Variants in DPP10 observed in about 807,000 individuals in gnomAD.
DPP10 encodes dipeptidyl peptidase like 10.
In DPP10, 33 loss-of-function variants were observed where a neutral mutation model predicts 120.9. That is an observed-to-expected ratio of 0.27 (90% confidence interval 0.21 to 0.37). The LOEUF (loss-of-function observed/expected upper bound fraction) is 0.37. DPP10 is among the 10% of genes least tolerant of loss of function. DPP10 has a pLI of 1.00. For missense variants in DPP10, 816 were observed against 942.8 expected (o/e 0.87, Z 1.76); for synonymous variants, 337 against 326.1 (o/e 1.03, Z -0.36).
intron 1 of DPP10, among the ~76,000 whole-genome samples, chr2:114,517,557 A>G (rs1437597092): frequency 6.6e-6 from 1 of 152,136 alleles, no homozygotes; most frequent in African/African-American, 2.4e-5. Flanking sequence ...CTTCATGGTA[A>G]GATAATCAGG....
chr2:115,280,276 G>T (rs1574277291), intron 1 of DPP10, among the ~76,000 whole-genome samples: 1 of 152,132 alleles, frequency 6.6e-6, no homozygotes, highest in East Asian at 1.9e-4. Context: ...TTTTAGGCAT[G>T]TAGGTAAAAA....
At chr2:115,468,986 A>G in intron 3 of DPP10, 1 of 231,940 alleles carries the variant, frequency 4.3e-6, no homozygotes, top group Non-Finnish European at 8.5e-6. Context: ...CCTGAGACGG[A>G]GTATCACCCT....
intron 1 of DPP10, among the ~76,000 whole-genome samples, chr2:115,185,530 T>A (rs2054374023): frequency 6.6e-6 from 1 of 152,204 alleles, no homozygotes; most frequent in Non-Finnish European, 1.5e-5. Flanking sequence ...TGATGAGTAC[T>A]TTCACAAGTA....
At chr2:114,965,325 C>T (rs1180606331) in intron 1 of DPP10, among the ~76,000 whole-genome samples, 11 of 151,802 alleles carry the variant, frequency 7.2e-5, no homozygotes, top group Non-Finnish European at 1.5e-4. Flanking sequence ...TTAGTAGGGA[C>T]GGGGTTTCAC....
rs1190663504 is a variant in DPP10, at chr2:115,835,847, G to T, written c.1951-310G>T. Among the ~76,000 whole-genome samples the T allele has an allele frequency of 2.0e-5, 3 of 152,018 alleles. No homozygotes were observed. The South Asian group carries it at 6.2e-4, about 31-fold the overall frequency. On this transcript the variant is annotated intron_variant, in intron 21 of 25. Coordinates refer to ENST00000410059, the MANE Select transcript of DPP10 (RefSeq NM_020868.6). ...AAATTATTTGGGGCAATTTCCAGATGTATAGTATGAAATCATGGAGCAATA... is the reference window on the plus strand; with the variant it reads ...AAATTATTTGGGGCAATTTCCAGATTTATAGTATGAAATCATGGAGCAATA...
intron 1 of DPP10, among the ~76,000 whole-genome samples, chr2:114,965,711 G>A (rs1213174097): frequency 2.6e-5 from 4 of 151,842 alleles, no homozygotes; most frequent in Admixed American, 6.6e-5. Context: ...GGGCGCGGTG[G>A]CTCACGCCTG....
chr2:115,130,638 G>C (rs2050307317), intron 1 of DPP10, among the ~76,000 whole-genome samples: 1 of 152,068 alleles, frequency 6.6e-6, no homozygotes, highest in South Asian at 2.1e-4. Flanking sequence ...CAGAGCTACT[G>C]ATTCCTTTCA....
chr2:115,741,002 A>G (rs886561647), intron 9 of DPP10, among the ~76,000 whole-genome samples: 1 of 152,080 alleles, frequency 6.6e-6, no homozygotes, highest in Non-Finnish European at 1.5e-5. Flanking sequence ...CATGCACTAC[A>G]TTAGTTAGAC....
At chr2:114,834,540 A>C (rs538304406) in intron 1 of DPP10, among the ~76,000 whole-genome samples, 1 of 151,176 alleles carries the variant, frequency 6.6e-6, no homozygotes, top group African/African-American at 2.4e-5. Flanking sequence ...GCACCTATGT[A>C]TATATAAGCC....
chr2:114,557,148 G>T (rs532205437), intron 1 of DPP10, among the ~76,000 whole-genome samples: 47 of 152,238 alleles, frequency 3.1e-4, no homozygotes, highest in Admixed American at 6.5e-4. Context: ...GAATGCTGTG[G>T]CTTCCTTTTT....
chr2:115,161,846 T>A, intron 1 of DPP10: 1 of 1,070,692 alleles, frequency 9.3e-7, no homozygotes, highest in Non-Finnish European at 1.2e-6. Flanking sequence ...CCCCGTCCCT[T>A]CCGCCGATTC....
chr2:115,715,033 A>G (rs1272525019), intron 7 of DPP10, among the ~76,000 whole-genome samples: 1 of 150,158 alleles, frequency 6.7e-6, no homozygotes, highest in Admixed American at 6.6e-5. Flanking sequence ...TGTCTCAAAA[A>G]AAAAAAAAAA....
chr2:114,499,788 T>C (rs141647164), intron 1 of DPP10, among the ~76,000 whole-genome samples: 3 of 152,360 alleles, frequency 2.0e-5, no homozygotes, highest in East Asian at 3.9e-4. Context: ...TCCACCTTTA[T>C]GGAATGAAAG....
intron 10 of DPP10, among the ~76,000 whole-genome samples, chr2:115,752,592 A>G (rs1678885778): frequency 6.6e-6 from 1 of 152,198 alleles, no homozygotes; most frequent in South Asian, 2.1e-4. Flanking sequence ...TCCTTGGTCT[A>G]CAACTGGCAA....
intron 2 of DPP10, among the ~76,000 whole-genome samples, chr2:115,337,486 T>C (rs2063208622): frequency 6.6e-6 from 1 of 151,896 alleles, no homozygotes; most frequent in African/African-American, 2.4e-5. Flanking sequence ...AGGTTCAAGT[T>C]TCAGCTCTGC....
At chr2:115,534,092 T>C (rs2078643957) in intron 5 of DPP10, among the ~76,000 whole-genome samples, 1 of 139,798 alleles carries the variant, frequency 7.2e-6, no homozygotes, top group African/African-American at 3.1e-5. Context: ...CACACTTTTA[T>C]TTATTTTTTT....
chr2:115,603,686 T>G (rs990433907), intron 5 of DPP10, among the ~76,000 whole-genome samples: 6 of 151,584 alleles, frequency 4.0e-5, no homozygotes, highest in African/African-American at 9.7e-5. Context: ...AAGCAAACCT[T>G]TGTTCAAAAT....
At chr2:115,227,217 A>C (rs1393636787) in intron 1 of DPP10, among the ~76,000 whole-genome samples, 2 of 152,150 alleles carry the variant, frequency 1.3e-5, no homozygotes, top group Admixed American at 1.3e-4. Context: ...ACATAAAATG[A>C]AATGTTCTGA....
intron 1 of DPP10, among the ~76,000 whole-genome samples, chr2:114,613,509 T>A (rs903434669): frequency 6.6e-6 from 1 of 152,156 alleles, no homozygotes; most frequent in African/African-American, 2.4e-5. Flanking sequence ...GCTTTTACAC[T>A]GTTGGTGGGA....
Sources: gnomAD v4.1 joint callset for allele counts (sites outside exome capture counted in the v4.1 genomes callset) on GRCh38, gnomAD v4.1.1 for gene constraint, MANE v1.5 for transcripts, NCBI Gene and HGNC (gene_info 2026-07-23, HGNC 2026-07-21) for gene names.